The following NBAS variants were observed in gnomAD, a reference collection of about 807,000 sequenced individuals.
The protein encoded by NBAS is NAG/BC035112 fusion.
A neutral mutation model predicts 302.5 loss-of-function variants in NBAS; 219 were observed. That is an observed-to-expected ratio of 0.72 (90% confidence interval 0.65 to 0.81). NBAS has a LOEUF of 0.81. NBAS is among the 30% of genes least tolerant of loss of function. The probability of loss-of-function intolerance (pLI) is 0.00; values close to 1 mark genes in which losing one functional copy is unlikely to be tolerated. For synonymous variants in NBAS, 1,118 were observed against 1,021.6 expected (o/e 1.09, Z -1.80); for missense variants, 2,932 against 2,841.6 (o/e 1.03, Z -0.72).
the NBAS span, among the ~76,000 whole-genome samples, chr2:14,867,779 C>G: frequency 6.6e-6 from 1 of 152,274 alleles, no homozygotes; most frequent in African/African-American, 2.4e-5. Flanking sequence ...CATGTTTATA[C>G]ATTTTCTGTT....
the NBAS span, among the ~76,000 whole-genome samples, chr2:14,888,535 G>A: frequency 2.6e-5 from 4 of 151,536 alleles, no homozygotes; most frequent in Non-Finnish European, 4.4e-5. Context: ...CAAAACTATT[G>A]ACCATTCTCC....
the NBAS span, among the ~76,000 whole-genome samples, chr2:14,994,633 G>A: frequency 6.6e-6 from 1 of 152,208 alleles, no homozygotes; most frequent in African/African-American, 2.4e-5. Context: ...CACTCTGAGA[G>A]GTCCACCTTC....
chr2:15,148,522 T>C, the NBAS span, among the ~76,000 whole-genome samples: 1 of 152,124 alleles, frequency 6.6e-6, no homozygotes, highest in Non-Finnish European at 1.5e-5. Flanking sequence ...GAGTGGTACC[T>C]GTGTGAAGTC....
chr2:15,249,195 C>T (rs558947102), intron 44 of NBAS, among the ~76,000 whole-genome samples: 1 of 151,766 alleles, frequency 6.6e-6, no homozygotes, highest in East Asian at 1.9e-4. Flanking sequence ...ATCACATAAA[C>T]AGAACCAATG....
chr2:15,308,578 T>C (rs1425065247), intron 39 of NBAS, among the ~76,000 whole-genome samples: 2 of 152,208 alleles, frequency 1.3e-5, no homozygotes, highest in East Asian at 1.9e-4. Flanking sequence ...TTAAGCTAAC[T>C]GTAGAATTGA....
intron 47 of NBAS, among the ~76,000 whole-genome samples, chr2:15,219,738 C>A (rs1404375888): frequency 7.3e-6 from 1 of 136,108 alleles, no homozygotes; most frequent in Non-Finnish European, 1.6e-5. Flanking sequence ...CCACACAGAC[C>A]CGGCAACCAT....
the NBAS span, among the ~76,000 whole-genome samples, chr2:15,159,205 G>A: frequency 6.6e-6 from 1 of 152,172 alleles, no homozygotes; most frequent in Non-Finnish European, 1.5e-5. Flanking sequence ...ACTGAAGGTG[G>A]GAACTCTGGC....
the NBAS span, among the ~76,000 whole-genome samples, chr2:14,913,147 T>A: frequency 6.6e-6 from 1 of 152,212 alleles, no homozygotes; most frequent in Non-Finnish European, 1.5e-5. Context: ...CAAATATTTA[T>A]TGAATGCCTT....
At chr2:15,142,904 A>G in the NBAS span, among the ~76,000 whole-genome samples, 1 of 152,220 alleles carries the variant, frequency 6.6e-6, no homozygotes, top group African/African-American at 2.4e-5. Flanking sequence ...CCGTTTTGCT[A>G]ATAGTTTTTA....
chr2:15,294,435 T>C (rs1464336971), intron 40 of NBAS, among the ~76,000 whole-genome samples: 1 of 152,216 alleles, frequency 6.6e-6, no homozygotes, highest in Non-Finnish European at 1.5e-5. Context: ...ACAGTATTCC[T>C]GGCGACAGAT....
chr2:15,559,304 G>A (rs1052103375), intron 1 of NBAS, among the ~76,000 whole-genome samples: 1 of 152,144 alleles, frequency 6.6e-6, no homozygotes, highest in Admixed American at 6.5e-5. Flanking sequence ...CACAGGAAAA[G>A]TGGTCATATC....
chr2:14,855,163 C>G, the NBAS span, among the ~76,000 whole-genome samples: 1 of 152,080 alleles, frequency 6.6e-6, no homozygotes, highest in African/African-American at 2.4e-5. Context: ...TCTAGACACA[C>G]CCTGGGACAG....
At chr2:15,082,445 A>G in the NBAS span, among the ~76,000 whole-genome samples, 12 of 152,196 alleles carry the variant, frequency 7.9e-5, no homozygotes, top group African/African-American at 2.2e-4. Context: ...ACAGCAGACC[A>G]TCTAGACTCA....
the NBAS span, among the ~76,000 whole-genome samples, chr2:15,060,550 C>G: frequency 6.6e-6 from 1 of 152,140 alleles, no homozygotes; most frequent in Non-Finnish European, 1.5e-5. Flanking sequence ...GGGCAAGCCT[C>G]CTGCTCAGGA....
At chr2:14,900,987 T>G in the NBAS span, among the ~76,000 whole-genome samples, 1 of 152,172 alleles carries the variant, frequency 6.6e-6, no homozygotes, top group Non-Finnish European at 1.5e-5. Context: ...ATACTTGAGG[T>G]CCACAAGATA....
At chr2:14,983,457 T>C in the NBAS span, among the ~76,000 whole-genome samples, 1,410 of 152,362 alleles carry the variant, frequency 9.3e-3, 28 homozygotes, top group African/African-American at 0.03. Context: ...GTGAGCATGA[T>C]ACCTTGTCTC....
At chr2:14,839,590 G>A in the NBAS span, among the ~76,000 whole-genome samples, 1 of 152,060 alleles carries the variant, frequency 6.6e-6, no homozygotes, top group Non-Finnish European at 1.5e-5. Context: ...CCCTGGGCAA[G>A]AACTTCTAGC....
chr2:14,959,836 C>T, the NBAS span, among the ~76,000 whole-genome samples: 1 of 152,182 alleles, frequency 6.6e-6, no homozygotes, highest in Non-Finnish European at 1.5e-5. Context: ...CTCCCCCAGG[C>T]AGTTAATATT....
the NBAS span, among the ~76,000 whole-genome samples, chr2:15,010,392 G>T: frequency 1.3e-5 from 2 of 152,142 alleles, no homozygotes; most frequent in African/African-American, 2.4e-5. Flanking sequence ...TTATGTTAGT[G>T]TGAGAAAAAC....
Sources: gnomAD v4.1 joint callset for allele counts (sites outside exome capture counted in the v4.1 genomes callset) on GRCh38, gnomAD v4.1.1 for gene constraint, MANE v1.5 for transcripts, NCBI Gene and HGNC (gene_info 2026-07-23, HGNC 2026-07-21) for gene names.